The following ZNF235 variants were observed in gnomAD, a reference collection of about 807,000 sequenced individuals.
ZNF235 encodes zfp-93.
Under a neutral mutation model 29.4 loss-of-function variants are expected in ZNF235, and 25 were observed. The observed-to-expected ratio is 0.85, with a 90% CI of 0.62 to 1.19. The LOEUF (loss-of-function observed/expected upper bound fraction) is 1.19, where lower values mean the gene tolerates loss of function less well. ZNF235 is among the 50% of genes most tolerant of loss of function. The pLI, the probability that ZNF235 is intolerant of heterozygous loss-of-function variation, is 0.00. For missense variants in ZNF235, 788 were observed against 885.0 expected (o/e 0.89, Z 1.39); for synonymous variants, 300 against 295.3 (o/e 1.02, Z -0.16).
At chr19:44,299,974 A>G (rs576463784) in intron 2 of ZNF235, among the ~76,000 whole-genome samples, 1 of 152,236 alleles carries the variant, frequency 6.6e-6, no homozygotes, top group Non-Finnish European at 1.5e-5. Context: ...ACCAAATTTG[A>G]TAAGAAATTT....
chr19:44,304,875 G>C lies in ZNF235; in HGVS notation c.-49+96C>G, dbSNP rs1055481213. On this transcript the variant is annotated intron_variant, in intron 1 of 4. Transcript: ENST00000291182. ...AACCCCGCCCTCCAGCGCTGGCCGC[G>C]GCTTCTCTTCCCCAAGCCAAGGACG... 4.1e-6 allele frequency: 4 copies of C among 985,328 alleles called. No individual in the cohort carries two copies. In the African/African-American group the frequency reaches 7.0e-5, roughly 17 times the overall value. 61.0% of individuals were successfully genotyped at this position (985,328 alleles called of 1,614,324 possible).
At position 44,299,689 on chromosome 19, in the gene ZNF235, T is replaced by A. The variant is rs1270740310; in HGVS notation, c.59A>T (p.Glu20Val). The A allele has an allele frequency of 1.9e-6, 3 of 1,614,084 alleles. No homozygotes were observed. Among genetic ancestry groups the A allele is most frequent in the Non-Finnish European group, 1.7e-6 (2 of 1,180,010 alleles). Residue 20 changes from glutamate to valine, a missense_variant, in exon 3 of 5, where the codon GAG becomes GTG. Coordinates refer to ENST00000291182, the MANE Select transcript of ZNF235 (RefSeq NM_004234.4). ...GGCAGAGTCCAGCAGCCCCAGCTCC[T>A]CCTCAGTGAAGGCCACAGCCACATC... ...FKDVAVAFTEEELGLLDSAQR... is the reference protein window; with the variant it reads ...FKDVAVAFTEVELGLLDSAQR...
chr19:44,287,113 T>C lies in ZNF235; in HGVS notation c.*105A>G, dbSNP rs1975496151. 10 of 1,206,860 alleles carry C rather than the reference T, an allele frequency of 8.3e-6. No individual in the cohort carries two copies. The highest frequency in any genetic ancestry group is 1.7e-5 in the South Asian group (1 of 59,384). 74.8% of individuals were successfully genotyped at this position (1,206,860 alleles called of 1,614,324 possible). ...AGACTTCTTTCCTGTCAAGATTCTT[T>C]GAAGCTTCTAGTTTTAAAGGAACTT... is the stretch of plus-strand genomic sequence containing the variant. On this transcript the variant is annotated 3_prime_UTR_variant, in exon 5 of 5. Transcript: ENST00000291182.
At chr19:44,304,919 C>A (rs929418338) in intron 1 of ZNF235, 52 bp downstream of exon 1, 2 of 985,484 alleles carry the variant, frequency 2.0e-6, no homozygotes, top group Non-Finnish European at 2.4e-6. Context: ...GCTGGCCCCA[C>A]GCCTAGGCAA....
At chr19:44,301,287 A>C (rs1975733220) in intron 2 of ZNF235, among the ~76,000 whole-genome samples, 1 of 152,126 alleles carries the variant, frequency 6.6e-6, no homozygotes, top group Non-Finnish European at 1.5e-5. Flanking sequence ...ACATCCCTGC[A>C]TTTGTTTTGG....
At chr19:44,303,269 G>C in intron 2 of ZNF235, 121 bp downstream of exon 2, 2 of 846,446 alleles carry the variant, frequency 2.4e-6, no homozygotes, top group Non-Finnish European at 3.9e-6. Flanking sequence ...CAACAACCTG[G>C]CATATAACAA....
At position 44,288,352 on chromosome 19, in the gene ZNF235, A is replaced by G. The variant is rs377126321; in HGVS notation, c.1083T>C (p.His361=). 44 of 1,614,068 alleles carry G rather than the reference A, an allele frequency of 2.7e-5. No individual in the cohort carries two copies. In the African/African-American group the frequency reaches 4.8e-4, roughly 18 times the overall value. Residue 361 remains histidine, a synonymous_variant, in exon 5 of 5, where the codon CAT becomes CAC. Coordinates refer to ENST00000291182, the MANE Select transcript of ZNF235 (RefSeq NM_004234.4). ...ECGKSFNQSS[H]LYAHLPIHTG... is the part of the protein sequence containing the mutation. ...TGTGAATAGGCAAATGAGCATAAAG[A>G]TGTGAGCTCTGATTAAAGCTCTTAC...
chr19:44,299,054 A>G (rs1975695098), intron 3 of ZNF235, 151 bp from the exon 4 acceptor site: 2 of 592,066 alleles, frequency 3.4e-6, no homozygotes, highest in East Asian at 5.6e-5. Flanking sequence ...TAAGAAATAC[A>G]TTTACTATCA....
intron 4 of ZNF235, among the ~76,000 whole-genome samples, chr19:44,295,212 C>T (rs1424833176): frequency 6.6e-6 from 1 of 151,830 alleles, no homozygotes; most frequent in African/African-American, 2.4e-5. Context: ...CAAAAGAATC[C>T]TAGATTTGAC....
At chr19:44,303,290 GC>G in intron 2 of ZNF235, 99 bp downstream of exon 2, 2 of 1,189,634 alleles carry the variant, frequency 1.7e-6, no homozygotes, top group Non-Finnish European at 2.5e-6. Context: ...CATTCCAAGT[GC>G]CTTTCGTTCC....
chr19:44,287,411 C>T lies in ZNF235; in HGVS notation c.2024G>A (p.Arg675Lys). 6.2e-7 allele frequency: 1 copy of T among 1,614,080 alleles called. No homozygotes were observed. ...ATAGGGTTTCTCTCCTGTGTGGACC[C>T]TCTGATGGGCACTGAGACCAGCACT... Reference protein sequence around the residue: ...SWSAGLSAHQRVHTGEKPYTC... With the variant: ...SWSAGLSAHQKVHTGEKPYTC... Residue 675 changes from arginine to lysine, a missense_variant, in exon 5 of 5, where the codon AGG becomes AAG. By Grantham distance (26) the Arg-to-Lys change is conservative. Transcript: ENST00000291182.
chr19:44,303,535 GTCCC>G, intron 1 of ZNF235, 83 bp from the exon 2 acceptor site: 5 of 1,263,954 alleles, frequency 4.0e-6, no homozygotes, highest in African/African-American at 1.5e-5. Flanking sequence ...TCAGAGAAAG[GTCCC>G]CCTGTCTCTA....
Position 44,289,065 on chromosome 19 carries a change from T to A in ZNF235, c.370A>T (p.Ile124Leu). The A allele has an allele frequency of 6.2e-7, 1 of 1,614,146 alleles. No homozygotes were observed. The highest frequency in any genetic ancestry group is 8.5e-7 in the Non-Finnish European group (1 of 1,180,012). Residue 124 changes from isoleucine (I) to leucine (L), a missense_variant, in exon 5 of 5, where the codon ATA becomes TTA. Transcript: ENST00000291182. ...TGAGAGCTCTTTCCTTCAATATTTA[T>A]CATGGAGTCTTGACTTCTGGCTAAT... ...SKLARSQDSM[I>L]NIEGKSSQFP...
In ZNF235 at chr19:44,304,977, G is replaced by A. The variant is rs957669267; in HGVS notation, c.-55C>T. ...AGACCCGGAGCTGACTCACCTCCCTGGGAGATATCTCAGATCCGACCTCGC... is the reference window on the plus strand; with the variant it reads ...AGACCCGGAGCTGACTCACCTCCCTAGGAGATATCTCAGATCCGACCTCGC... On this transcript the variant is annotated 5_prime_UTR_variant, in exon 1 of 5. Coordinates refer to ENST00000291182, the MANE Select transcript of ZNF235 (RefSeq NM_004234.4). 1.0e-6 allele frequency: 1 copy of A among 980,904 alleles called. No homozygotes were observed. The highest frequency in any genetic ancestry group is 1.2e-6 in the Non-Finnish European group (1 of 825,816). 60.8% of individuals were successfully genotyped at this position (980,904 alleles called of 1,614,324 possible). A position where few individuals can be genotyped will look rare whatever the true frequency, so the allele number is the denominator to read the frequency against.
In ZNF235 at chr19:44,287,744, A is replaced by C. The variant is rs1568642517; in HGVS notation, c.1691T>G (p.Val564Gly). Reference protein sequence around the residue: ...WSLNLHNHQRVHTGEKPYKCE... With the variant: ...WSLNLHNHQRGHTGEKPYKCE... ...TTTGTAGGGTTTCTCTCCGGTGTGG[A>C]CTCTCTGATGATTGTGAAGATTCAA... The change falls in exon 5 of 5, where the codon GTC (valine) becomes GGC (glycine). Residue 564 changes from valine (V) to glycine (G), a missense_variant. Coordinates refer to ENST00000291182, the MANE Select transcript of ZNF235 (RefSeq NM_004234.4). The C allele has an allele frequency of 6.2e-7, 1 of 1,613,804 alleles. No individual in the cohort carries two copies. Among genetic ancestry groups the C allele is most frequent in the African/African-American group, 1.3e-5 (1 of 74,922 alleles).
At chr19:44,294,695 A>AC (rs1975630402) in intron 4 of ZNF235, among the ~76,000 whole-genome samples, 1 of 150,446 alleles carries the variant, frequency 6.6e-6, no homozygotes, top group African/African-American at 2.4e-5. Context: ...CCCCCACAAA[A>AC]CCCCCCAAAC....
chr19:44,301,544 C>T (rs1185974357), intron 2 of ZNF235, among the ~76,000 whole-genome samples: 3 of 151,886 alleles, frequency 2.0e-5, no homozygotes, highest in Non-Finnish European at 4.4e-5. Context: ...GATCTTGGCT[C>T]ACTGCAACTT....
At chr19:44,302,414 A>G (rs1599894246) in intron 2 of ZNF235, among the ~76,000 whole-genome samples, 6 of 152,348 alleles carry the variant, frequency 3.9e-5, no homozygotes, top group South Asian at 2.1e-4. Flanking sequence ...AATTGTACCT[A>G]AAGTATGATT....
intron 4 of ZNF235, among the ~76,000 whole-genome samples, chr19:44,298,472 T>G (rs934484293): frequency 6.6e-5 from 10 of 152,136 alleles, no homozygotes; most frequent in African/African-American, 2.2e-4. Context: ...CTCAGCTCAC[T>G]GCAACCCACG....
Sources: allele counts gnomAD v4.1 joint callset (sites outside exome capture counted in the v4.1 genomes callset), GRCh38; gene constraint gnomAD v4.1.1; transcripts MANE v1.5; gene names NCBI Gene and HGNC (gene_info 2026-07-23, HGNC 2026-07-21).